The following BCL11A variants were observed in gnomAD, a reference collection of about 807,000 sequenced individuals.
The protein encoded by BCL11A is BCL11 transcription factor A, also known as B cell CLL/lymphoma 11A.
BCL11A carries 2 observed loss-of-function variants against 55.9 expected under a neutral mutation model. The ratio of observed to expected loss-of-function variants is 0.04; its 90% confidence interval spans 0.01 to 0.11. The LOEUF is 0.11. BCL11A is among the 10% of genes least tolerant of loss of function. The probability of loss-of-function intolerance (pLI) is 1.00; values close to 1 mark genes in which losing one functional copy is unlikely to be tolerated. For synonymous variants in BCL11A, 465 were observed against 473.4 expected, an observed-to-expected ratio of 0.98 and a Z score of 0.23; for missense variants, 817 against 1,137.1, an observed-to-expected ratio of 0.72 and a Z score of 4.05.
At chr2:60,503,978 A>G (rs973560573) in intron 2 of BCL11A, among the ~76,000 whole-genome samples, 1 of 152,204 alleles carries the variant, frequency 6.6e-6, no homozygotes, top group Non-Finnish European at 1.5e-5. Flanking sequence ...GGAATGAAAG[A>G]CACTGAGTAT....
rs543748434 is a variant in BCL11A at position 60,515,108 on chromosome 2, C to A, written c.385+30863G>T. On this transcript the variant is annotated intron_variant, in intron 2 of 3. Transcript: ENST00000642384. ...TTGCCCAGACCTAAGGATCCTCCCC[C>A]ACGTGCTCCTTCCCCAACACTGGCT... Among the ~76,000 whole-genome samples the A allele has an allele frequency of 1.3e-3, 192 of 152,272 alleles. 1 individual carries two copies. Among genetic ancestry groups the A allele is most frequent in the Non-Finnish European group, 1.6e-3 (112 of 68,022 alleles).
chr2:60,513,110 C>G (rs570654713), intron 2 of BCL11A, among the ~76,000 whole-genome samples: 146 of 152,240 alleles, frequency 9.6e-4, no homozygotes, highest in African/African-American at 3.2e-3. Context: ...GAGGACTCAC[C>G]ACCCCACTGA....
At chr2:60,543,232 T>C (rs1251440405) in intron 2 of BCL11A, 4 of 152,196 alleles carry the variant, frequency 2.6e-5, no homozygotes, top group Non-Finnish European at 5.9e-5. Flanking sequence ...AGGCTCACAG[T>C]GAACTCAAAT....
chr2:60,451,655 T>C (rs183633405), exon 5 of BCL11A: 1 of 230,756 alleles, frequency 4.3e-6, no homozygotes, highest in Non-Finnish European at 8.6e-6. Context: ...TCCTGAAGGT[T>C]TGGGAACCTA....
chr2:60,480,980 T>TA (rs1020086343), intron 2 of BCL11A, among the ~76,000 whole-genome samples: 1 of 152,124 alleles, frequency 6.6e-6, no homozygotes, highest in African/African-American at 2.4e-5. Flanking sequence ...AAAATAAGGC[T>TA]AGGAAGCTAG....
chr2:60,526,791 A>C (rs1669222458), intron 2 of BCL11A: 1 of 152,234 alleles, frequency 6.6e-6, no homozygotes, highest in African/African-American at 2.4e-5. Context: ...GAAACAAATA[A>C]AGGGCTGACC....
intron 2 of BCL11A, among the ~76,000 whole-genome samples, chr2:60,480,189 G>A (rs1677874649): frequency 6.6e-6 from 1 of 152,182 alleles, no homozygotes; most frequent in African/African-American, 2.4e-5. Flanking sequence ...GGGACATGAA[G>A]GCACTGGCTA....
At chr2:60,541,769 T>C in intron 2 of BCL11A, 5 of 527,900 alleles carry the variant, frequency 9.5e-6, no homozygotes, top group Non-Finnish European at 1.4e-5. Context: ...TTAACTGCCA[T>C]GCTGAAAATT....
At chr2:60,481,994 G>C (rs1239931009) in intron 2 of BCL11A, among the ~76,000 whole-genome samples, 1 of 152,196 alleles carries the variant, frequency 6.6e-6, no homozygotes, top group Non-Finnish European at 1.5e-5. Context: ...TCAAAAGAAA[G>C]GGGTTGGACT....
In BCL11A at chr2:60,460,270, T is replaced by C; in HGVS notation, c.*134A>G. 1 of 1,432,456 alleles carries C rather than the reference T, an allele frequency of 7.0e-7. No individual in the cohort carries two copies. The highest frequency in any genetic ancestry group is 1.7e-5 in the South Asian group (1 of 60,394). 88.7% of individuals were successfully genotyped at this position (1,432,456 alleles called of 1,614,324 possible). A position where few individuals can be genotyped will look rare whatever the true frequency, so the allele number is the denominator to read the frequency against. On this transcript the variant is annotated 3_prime_UTR_variant, in exon 4 of 4. Coordinates refer to ENST00000642384, the MANE Select transcript of BCL11A (RefSeq NM_022893.4). ...TATTCTTAGCTTCGTTACTTCTGTT[T>C]GTTTGTTTGTTTGTTTAAATCACAT...
downstream of BCL11A, among the ~76,000 whole-genome samples, chr2:60,454,252 A>T (rs1376280105): frequency 6.6e-6 from 1 of 152,148 alleles, no homozygotes; most frequent in Non-Finnish European, 1.5e-5. Context: ...ATGTGTTCTG[A>T]TGTCCATTTC....
intron 2 of BCL11A, among the ~76,000 whole-genome samples, chr2:60,494,263 C>T (rs937524112): frequency 1.2e-4 from 18 of 152,086 alleles, no homozygotes; most frequent in Non-Finnish European, 2.6e-4. Context: ...AGTGGGAAGA[C>T]GTGGGCTGGG....
chr2:60,477,409 G>A (rs967390640), intron 2 of BCL11A, among the ~76,000 whole-genome samples: 16 of 152,076 alleles, frequency 1.1e-4, no homozygotes, highest in African/African-American at 3.6e-4. Flanking sequence ...CATTTCGATC[G>A]GTCTTGAGAA....
chr2:60,471,940 G>C (rs749505328), intron 2 of BCL11A, among the ~76,000 whole-genome samples: 1 of 152,206 alleles, frequency 6.6e-6, no homozygotes, highest in African/African-American at 2.4e-5. Context: ...GCACACTCAA[G>C]CTGAATCAGC....
At chr2:60,521,100 CT>C (rs1186759360) in intron 2 of BCL11A, among the ~76,000 whole-genome samples, 16 of 140,862 alleles carry the variant, frequency 1.1e-4, no homozygotes, top group East Asian at 8.0e-4. Flanking sequence ...CACACACACA[CT>C]CACACACACA....
chr2:60,525,191 G>C (rs1250510107), intron 2 of BCL11A: 1 of 152,114 alleles, frequency 6.6e-6, no homozygotes, highest in African/African-American at 2.4e-5. Flanking sequence ...TAAAATACCT[G>C]GTTGTTTGAA....
downstream of BCL11A, chr2:60,452,296 G>A (rs1278364543): frequency 2.9e-6 from 1 of 341,918 alleles, no homozygotes; most frequent in African/African-American, 2.1e-5. Context: ...AGAAGGGCCA[G>A]GGCATCACTC....
intron 2 of BCL11A, among the ~76,000 whole-genome samples, chr2:60,502,167 GT>G (rs1206467664): frequency 2.0e-5 from 3 of 152,150 alleles, no homozygotes; most frequent in African/African-American, 7.2e-5. Flanking sequence ...ATGAATATTT[GT>G]ATAGATACTT....
chr2:60,533,901 A>G (rs917193556), intron 2 of BCL11A: 1 of 152,242 alleles, frequency 6.6e-6, no homozygotes, highest in African/African-American at 2.4e-5. Context: ...ACGGTAGGGC[A>G]GTGCTAGGTC....
Sources: allele counts gnomAD v4.1 joint callset (sites outside exome capture counted in the v4.1 genomes callset), GRCh38; gene constraint gnomAD v4.1.1; transcripts MANE v1.5; gene names NCBI Gene and HGNC (gene_info 2026-07-23, HGNC 2026-07-21).